Variants in OR5H15 observed in about 807,000 individuals in gnomAD.
OR5H15 encodes olfactory receptor 5H15.
For missense variants in OR5H15, 405 were observed against 366.1 expected, an observed-to-expected ratio of 1.11 and a Z score of -0.87; for synonymous variants, 153 against 129.1, an observed-to-expected ratio of 1.19 and a Z score of -1.26.
At position 98,169,725 on chromosome 3, in the gene OR5H15, G is replaced by C; in HGVS notation, c.*84G>C. ...TTGTTTCCAGTGTTCAAACATTTTT[G>C]CAAGTATAACTGTCCTAGCACTTTA... is the stretch of plus-strand genomic sequence containing the variant. On this transcript the variant is annotated 3_prime_UTR_variant, in exon 2 of 2. Coordinates refer to ENST00000641450, the MANE Select transcript of OR5H15 (RefSeq NM_001005515.2). The C allele has an allele frequency of 9.9e-7, 1 of 1,013,760 alleles. No individual in the cohort carries two copies. The highest frequency in any genetic ancestry group is 1.5e-6 in the Non-Finnish European group (1 of 667,432). 62.8% of individuals were successfully genotyped at this position (1,013,760 alleles called of 1,614,324 possible). A position where few individuals can be genotyped will look rare whatever the true frequency, so the allele number is the denominator to read the frequency against.
At position 98,169,147 on chromosome 3, in the gene OR5H15, A is replaced by G. The variant is rs62269706; in HGVS notation, c.448A>G (p.Ile150Val). The G allele has an allele frequency of 3.9e-5, 63 of 1,613,378 alleles. No homozygotes were observed. Among genetic ancestry groups the G allele is most frequent in the East Asian group, 1.3e-4 (6 of 44,830 alleles). Residue 150 changes from isoleucine (I) to valine (V), a missense_variant, in exon 2 of 2, where the codon ATA (isoleucine) becomes GTA (valine). Coordinates refer to ENST00000641450, the MANE Select transcript of OR5H15 (RefSeq NM_001005515.2). ...CATCCGGCTATTAATCTTGTCATATATAGCTGGTATTCTTCATGCTTTAAT... is the reference window on the plus strand; with the variant it reads ...CATCCGGCTATTAATCTTGTCATATGTAGCTGGTATTCTTCATGCTTTAAT... ...LCIRLLILSY[I>V]AGILHALIHE...
At position 98,169,664 on chromosome 3, in the gene OR5H15, A is replaced by G; in HGVS notation, c.*23A>G. Reference sequence around the variant, plus strand: ...TAATATCCTTTTTCTATTTACTAAAATAGTCACAAAATTACGCAAGTTAGA... The same window carrying G: ...TAATATCCTTTTTCTATTTACTAAAGTAGTCACAAAATTACGCAAGTTAGA... On this transcript the variant is annotated 3_prime_UTR_variant, in exon 2 of 2. Coordinates refer to ENST00000641450, the MANE Select transcript of OR5H15 (RefSeq NM_001005515.2). 1 of 1,524,582 alleles carries G rather than the reference A, an allele frequency of 6.6e-7. No individual in the cohort carries two copies. The highest frequency in any genetic ancestry group is 9.0e-7 in the Non-Finnish European group (1 of 1,110,814). The allele number at this position is 1,524,582 out of a possible 1,614,324, so 94.4% of individuals were successfully genotyped here. A position where few individuals can be genotyped will look rare whatever the true frequency, so the allele number is the denominator to read the frequency against.
At chr3:98,167,971 T>C (rs1708742740) in intron 1 of OR5H15, among the ~76,000 whole-genome samples, 1 of 152,102 alleles carries the variant, frequency 6.6e-6, no homozygotes. Flanking sequence ...TCTCTTCCAA[T>C]GTTATATCTC....
intron 1 of OR5H15, among the ~76,000 whole-genome samples, chr3:98,167,180 T>C (rs913320651): frequency 2.6e-5 from 4 of 152,268 alleles, no homozygotes; most frequent in Admixed American, 2.6e-4. Flanking sequence ...TAAATACCCA[T>C]GCTTTTTAAC....
chr3:98,168,559 A>T, intron 1 of OR5H15, 123 bp from the exon 2 acceptor site: 1 of 1,067,870 alleles, frequency 9.4e-7, no homozygotes, highest in Non-Finnish European at 1.4e-6. Context: ...CATCAGTTGT[A>T]GGACTGATCA....
At position 98,169,336 on chromosome 3, in the gene OR5H15, A is replaced by G; in HGVS notation, c.637A>G (p.Thr213Ala). ...SGSIQVFSIV[T>A]ILISYTFVLF... The stretch of plus-strand genomic sequence containing the variant: ...TTCAATTCAGGTATTCAGCATTGTG[A>G]CTATTCTTATATCTTACACATTTGT... The change falls in exon 2 of 2, where the codon ACT (threonine) becomes GCT (alanine). Residue 213 changes from threonine (T) to alanine (A), a missense_variant. Thr to Ala is a moderately conservative substitution (Grantham distance 58, BLOSUM62 0). Transcript: ENST00000641450. 6.2e-7 allele frequency: 1 copy of G among 1,612,858 alleles called. No individual in the cohort carries two copies. Among genetic ancestry groups the G allele is most frequent in the Non-Finnish European group, 8.5e-7 (1 of 1,179,228 alleles).
intron 1 of OR5H15, 73 bp downstream of exon 1, chr3:98,166,904 A>G (rs1160050669): frequency 1.3e-5 from 2 of 152,172 alleles, no homozygotes; most frequent in Admixed American, 6.6e-5. Context: ...AATTCATTAA[A>G]ATTTTAGATC....
At chr3:98,167,124 C>T (rs759368513) in intron 1 of OR5H15, among the ~76,000 whole-genome samples, 27 of 152,222 alleles carry the variant, frequency 1.8e-4, no homozygotes, top group Non-Finnish European at 3.2e-4. Context: ...TACACATTCA[C>T]ATCATAATGA....
chr3:98,169,654 A>G lies in OR5H15; in HGVS notation c.*13A>G, dbSNP rs779901286. 2 of 1,543,572 alleles carry G rather than the reference A, an allele frequency of 1.3e-6. No homozygotes were observed. The highest frequency in any genetic ancestry group is 4.5e-5 in the East Asian group (2 of 44,102). On this transcript the variant is annotated 3_prime_UTR_variant, in exon 2 of 2. Transcript: ENST00000641450. The stretch of plus-strand genomic sequence containing the variant: ...GGTTTCATACTAATATCCTTTTTCT[A>G]TTTACTAAAATAGTCACAAAATTAC...
Position 98,169,312 on chromosome 3 carries a change from T to C in OR5H15, c.613T>C (p.Ser205Pro). The change falls in exon 2 of 2, where the codon TCA becomes CCA. Residue 205 changes from serine (S) to proline (P), a missense_variant. Coordinates refer to ENST00000641450, the MANE Select transcript of OR5H15 (RefSeq NM_001005515.2). ...TCTAATGGTTTTTATTTTCTCAGGT[T>C]CAATTCAGGTATTCAGCATTGTGAC... Reference protein sequence around the residue: ...NFLMVFIFSGSIQVFSIVTIL... With the variant: ...NFLMVFIFSGPIQVFSIVTIL... The C allele has an allele frequency of 3.7e-6, 6 of 1,612,070 alleles. No homozygotes were observed. Among genetic ancestry groups the C allele is most frequent in the Non-Finnish European group, 5.1e-6 (6 of 1,178,734 alleles).
chr3:98,169,284 T>C lies in OR5H15; in HGVS notation c.585T>C (p.Asn195=). 3.7e-6 allele frequency: 6 copies of C among 1,610,266 alleles called. No homozygotes were observed. The highest frequency in any genetic ancestry group is 5.1e-6 in the Non-Finnish European group (6 of 1,177,492). ...TTTCTTGTACTGATTCTTCTATTAA[T>C]TTTCTAATGGTTTTTATTTTCTCAG... ...SKISCTDSSI[N]FLMVFIFSGS... is the part of the protein sequence containing the mutation. Residue 195 remains asparagine, a synonymous_variant, in exon 2 of 2, where the codon AAT becomes AAC. Coordinates refer to ENST00000641450, the MANE Select transcript of OR5H15 (RefSeq NM_001005515.2).
chr3:98,168,684 G>A lies in OR5H15; in HGVS notation c.-16G>A. 6.2e-7 allele frequency: 1 copy of A among 1,610,064 alleles called. No individual in the cohort carries two copies. Among genetic ancestry groups the A allele is most frequent in the Non-Finnish European group, 8.5e-7 (1 of 1,177,384 alleles). ...TCATTTGTTGCATTTTATTTTAGAG[G>A]ACATGCAGTGAGGACATGGAAGAGG... On this transcript the variant is annotated splice_region_variant and 5_prime_UTR_variant, in exon 2 of 2. Coordinates refer to ENST00000641450, the MANE Select transcript of OR5H15 (RefSeq NM_001005515.2).
At chr3:98,167,373 G>A (rs1206899594) in intron 1 of OR5H15, among the ~76,000 whole-genome samples, 2 of 132,158 alleles carry the variant, frequency 1.5e-5, no homozygotes, top group South Asian at 2.2e-4. Context: ...TTTTGTCCCT[G>A]TACTTCTCTC....
In OR5H15 at chr3:98,168,977, C is replaced by A. The variant is rs1046142993; in HGVS notation, c.278C>A (p.Ser93Tyr). ...NNFLAKSKMI[S>Y]LSECKIQFFS... ...TTCTTAGCTAAGAGTAAGATGATAT[C>A]TCTCTCTGAATGCAAGATACAATTT... Residue 93 changes from serine to tyrosine, a missense_variant, in exon 2 of 2, where the codon TCT becomes TAT. Coordinates refer to ENST00000641450, the MANE Select transcript of OR5H15 (RefSeq NM_001005515.2). 5 of 1,613,554 alleles carry A rather than the reference C, an allele frequency of 3.1e-6. No homozygotes were observed. The highest frequency in any genetic ancestry group is 4.2e-6 in the Non-Finnish European group (5 of 1,179,602).
In OR5H15 at chr3:98,169,263, T is replaced by C; in HGVS notation, c.564T>C (p.Ser188=). ...ACACTATCCCATTGTCTAAGATTTC[T>C]TGTACTGATTCTTCTATTAATTTTC... ...YCDTIPLSKI[S]CTDSSINFLM... is the part of the protein sequence containing the mutation. Residue 188 remains serine, a synonymous_variant, in exon 2 of 2, where the codon TCT becomes TCC. Transcript: ENST00000641450. 1 of 1,610,852 alleles carries C rather than the reference T, an allele frequency of 6.2e-7. No homozygotes were observed. Among genetic ancestry groups the C allele is most frequent in the Non-Finnish European group, 8.5e-7 (1 of 1,177,800 alleles).
At position 98,169,638 on chromosome 3, in the gene OR5H15, C is replaced by T. The variant is rs765430228; in HGVS notation, c.939C>T (p.Tyr313=). ...KMLKRNVKVS[Y] ...TAAAAAGAAATGTTAAGGTTTCATA[C>T]TAATATCCTTTTTCTATTTACTAAA... Residue 313 remains tyrosine (Y), a synonymous_variant, in exon 2 of 2, where the codon TAC becomes TAT. Transcript: ENST00000641450. 1.9e-6 allele frequency: 3 copies of T among 1,570,590 alleles called. No individual in the cohort carries two copies. The highest frequency in any genetic ancestry group is 2.6e-6 in the Non-Finnish European group (3 of 1,146,008).
intron 1 of OR5H15, 100 bp downstream of exon 1, chr3:98,166,931 G>A (rs1284496191): frequency 6.6e-6 from 1 of 152,154 alleles, no homozygotes; most frequent in Non-Finnish European, 1.5e-5. Context: ...ACAAGCTGTC[G>A]AAATAGCAAG....
At chr3:98,167,992 T>C (rs1187066267) in intron 1 of OR5H15, among the ~76,000 whole-genome samples, 1 of 152,120 alleles carries the variant, frequency 6.6e-6, no homozygotes, top group African/African-American at 2.4e-5. Flanking sequence ...ACAAGGACTA[T>C]ACATTTAACA....
chr3:98,169,749 T>C lies in OR5H15; in HGVS notation c.*108T>C. Reference sequence around the variant, plus strand: ...TGCAAGTATAACTGTCCTAGCACTTTAATGACCTAACATTTTAGTACCTAA... The same window carrying C: ...TGCAAGTATAACTGTCCTAGCACTTCAATGACCTAACATTTTAGTACCTAA... On this transcript the variant is annotated 3_prime_UTR_variant, in exon 2 of 2. Coordinates refer to ENST00000641450, the MANE Select transcript of OR5H15 (RefSeq NM_001005515.2). 1.3e-6 allele frequency: 1 copy of C among 773,534 alleles called. No homozygotes were observed. The allele number at this position is 773,534 out of a possible 1,614,324, so 47.9% of individuals were successfully genotyped here. A position where few individuals can be genotyped will look rare whatever the true frequency, so the allele number is the denominator to read the frequency against.
Sources: gnomAD v4.1 joint callset for allele counts (sites outside exome capture counted in the v4.1 genomes callset) on GRCh38, gnomAD v4.1.1 for gene constraint, MANE v1.5 for transcripts, NCBI Gene and HGNC (gene_info 2026-07-23, HGNC 2026-07-21) for gene names.